Variants in GNAT2 observed in about 807,000 individuals in gnomAD.
GNAT2 encodes guanine nucleotide-binding protein G(t) subunit alpha-2.
In GNAT2, 32 loss-of-function variants were observed where a neutral mutation model predicts 40.9. The ratio of observed to expected loss-of-function variants is 0.78; its 90% CI spans 0.59 to 1.05. The LOEUF (loss-of-function observed/expected upper bound fraction) is 1.05. Ranked by LOEUF, GNAT2 falls within the 50% of genes least tolerant of loss-of-function variation. The pLI, the probability that GNAT2 is intolerant of heterozygous loss-of-function variation, is 0.00. For synonymous variants in GNAT2, 141 were observed against 157.2 expected (o/e 0.90, Z 0.77); for missense variants, 355 against 431.5 (o/e 0.82, Z 1.57).
In GNAT2 at chr1:109,608,791, G is replaced by A. The variant is rs1570564309; in HGVS notation, c.304-3C>T. The A allele has an allele frequency of 6.2e-7, 1 of 1,613,272 alleles. No homozygotes were observed. On this transcript the variant is annotated splice_polypyrimidine_tract_variant and splice_region_variant and intron_variant, in intron 4 of 8. Transcript: ENST00000679935. The stretch of plus-strand genomic sequence containing the variant: ...TTGTTGAGCTGTCGCCCGTCATCCT[G>A]TAATGCAGAAACCTGGTTAAGAACT...
At chr1:109,611,673 C>T (rs1649802013) in intron 2 of GNAT2, 1 of 152,076 alleles carries the variant, frequency 6.6e-6, no homozygotes, top group Non-Finnish European at 1.5e-5. Context: ...CCTCCTATTT[C>T]GCTTGTGCTT....
intron 2 of GNAT2, chr1:109,610,911 C>T (rs1017081082): frequency 3.4e-6 from 1 of 290,184 alleles, no homozygotes; most frequent in East Asian, 8.5e-5. Flanking sequence ...TAACATTTCT[C>T]CTCTCTGCCT....
chr1:109,605,872 A>T, intron 7 of GNAT2, 98 bp downstream of exon 7: 1 of 1,087,748 alleles, frequency 9.2e-7, no homozygotes, highest in Non-Finnish European at 1.4e-6. Context: ...CTAGACTGAA[A>T]TTACCTAAGT....
chr1:109,615,138 G>A (rs1282158823), intron 1 of GNAT2: 1 of 152,212 alleles, frequency 6.6e-6, no homozygotes, highest in Non-Finnish European at 1.5e-5. Flanking sequence ...GCTCATACCA[G>A]TTAATTATCA....
Position 109,610,088 on chromosome 1 carries a change from G to T in GNAT2, c.255C>A (p.Ile85=). ...CGATGCCCAGTGTGGTCATGGCCCG[G>T]ATGATAGCCAGGATGGACTGCAGCA... ...GNVLQSILAI[I]RAMTTLGIDY... The change falls in exon 4 of 9, where the codon ATC becomes ATA. Residue 85 remains isoleucine, a synonymous_variant. Coordinates refer to ENST00000679935, the MANE Select transcript of GNAT2 (RefSeq NM_001377295.2). 6.2e-7 allele frequency: 1 copy of T among 1,613,944 alleles called. No homozygotes were observed. The highest frequency in any genetic ancestry group is 8.5e-7 in the Non-Finnish European group (1 of 1,179,838).
Position 109,611,230 on chromosome 1 carries a change from C to T in GNAT2, c.119-723G>A, listed in dbSNP as rs543954437. ...TTGCTCTGTCTCCCAGGCTGGAGTGCAGTGGTGCTATCTTGGCTCACTGCA... is the reference window on the plus strand; with the variant it reads ...TTGCTCTGTCTCCCAGGCTGGAGTGTAGTGGTGCTATCTTGGCTCACTGCA... On this transcript the variant is annotated intron_variant, in intron 2 of 8. Coordinates refer to ENST00000679935, the MANE Select transcript of GNAT2 (RefSeq NM_001377295.2). 2.0e-5 allele frequency: 3 copies of T among 152,240 alleles called. No individual in the cohort carries two copies. The East Asian group carries it at 5.8e-4, about 29-fold the overall frequency. The allele number at this position is 152,240 out of a possible 1,614,324, so 9.4% of individuals were successfully genotyped here. A position where few individuals can be genotyped will look rare whatever the true frequency, so the allele number is the denominator to read the frequency against.
chr1:109,611,691 C>G (rs911668462), intron 2 of GNAT2: 6 of 152,136 alleles, frequency 3.9e-5, no homozygotes, highest in Non-Finnish European at 8.8e-5. Context: ...CTTGTTCCCT[C>G]TAAGCAGCTT....
In GNAT2 at chr1:109,608,859, C is replaced by T; in HGVS notation, c.304-71G>A. 2.6e-6 allele frequency: 3 copies of T among 1,163,606 alleles called. No homozygotes were observed. In the South Asian group the frequency reaches 3.7e-5, roughly 14 times the overall value. 72.1% of individuals were successfully genotyped at this position (1,163,606 alleles called of 1,614,324 possible). A position where few individuals can be genotyped will look rare whatever the true frequency, so the allele number is the denominator to read the frequency against. The stretch of plus-strand genomic sequence containing the variant: ...TTCCAGGAGGCTTCTGGGAATACTG[C>T]TGAATGGAAATCATTTTACATTACT... On this transcript the variant is annotated intron_variant, in intron 4 of 8. Coordinates refer to ENST00000679935, the MANE Select transcript of GNAT2 (RefSeq NM_001377295.2).
At chr1:109,615,630 G>GAAAAGAAAAT (rs1649933875) in intron 1 of GNAT2, 2 of 152,862 alleles carry the variant, frequency 1.3e-5, no homozygotes, top group Non-Finnish European at 2.9e-5. Flanking sequence ...AAAAAGAAAA[G>GAAAAGAAAAT]AAAAGAAAAG....
chr1:109,612,998 G>C (rs1221324001), intron 1 of GNAT2, 75 bp from the exon 2 acceptor site: 16 of 760,334 alleles, frequency 2.1e-5, no homozygotes, highest in Admixed American at 5.1e-5. Flanking sequence ...AAGCTGGTCT[G>C]TACGATGGCA....
rs369719633 is a variant in GNAT2 at position 109,606,116 on chromosome 1, C to T, written c.591-17G>A. On this transcript the variant is annotated splice_polypyrimidine_tract_variant and intron_variant, in intron 6 of 8. Coordinates refer to ENST00000679935, the MANE Select transcript of GNAT2 (RefSeq NM_001377295.2). ...TCAAACATCCTGAGGGAAGAAGCAG[C>T]TATTTTCATAGGTATGCCCAACATA... is the stretch of plus-strand genomic sequence containing the variant. The T allele has an allele frequency of 2.5e-6, 4 of 1,613,864 alleles. No homozygotes were observed. The African/African-American group carries it at 5.3e-5, about 22-fold the overall frequency.
chr1:109,612,787 A>G lies in GNAT2; in HGVS notation c.84T>C (p.Asp28=). The change falls in exon 2 of 9, where the codon GAT becomes GAC. Residue 28 remains aspartate (D), a synonymous_variant. Coordinates refer to ENST00000679935, the MANE Select transcript of GNAT2 (RefSeq NM_001377295.2). ...GCAGCTTGACAGTCTTGGCTTCCTT[A>G]TCAGCATCCTCCTGCAGCTTCTTTT... is the stretch of plus-strand genomic sequence containing the variant. The part of the protein sequence containing the change: ...ELEKKLQEDA[D]KEAKTVKLLL... 1 of 1,611,862 alleles carries G rather than the reference A, an allele frequency of 6.2e-7. No individual in the cohort carries two copies. Among genetic ancestry groups the G allele is most frequent in the Non-Finnish European group, 8.5e-7 (1 of 1,178,048 alleles).
chr1:109,614,379 A>G (rs1351137567), intron 1 of GNAT2: 1 of 152,218 alleles, frequency 6.6e-6, no homozygotes, highest in Non-Finnish European at 1.5e-5. Flanking sequence ...GAGATGTTAA[A>G]ATAGTGTATG....
Position 109,613,053 on chromosome 1 carries a change from CT to C in GNAT2, c.-53-131del, listed in dbSNP as rs1490847237. 7 of 678,572 alleles carry C rather than the reference CT, an allele frequency of 1.0e-5. No individual in the cohort carries two copies. In the African/African-American group the frequency reaches 1.2e-4, roughly 12 times the overall value. The allele number at this position is 678,572 out of a possible 1,614,324, so 42.0% of individuals were successfully genotyped here. On this transcript the variant is annotated intron_variant, in intron 1 of 8. Transcript: ENST00000679935. ...GGGTCTTGTACTCTGCCTACATTGA[CT>C]GAGACTCCCTACTTCAACTGGAGAC... is the stretch of plus-strand genomic sequence containing the variant.
chr1:109,605,975 C>T lies in GNAT2; in HGVS notation c.715G>A (p.Glu239Lys), dbSNP rs140788789. The change falls in exon 7 of 9, where the codon GAA (glutamate) becomes AAA (lysine). Residue 239 changes from glutamate to lysine, a missense_variant. Coordinates refer to ENST00000679935, the MANE Select transcript of GNAT2 (RefSeq NM_001377295.2). ...TTGATGCAAAGGCCACTCACCACTT[C>T]GTCATCTTCCACCAGCACCATATCA... is the stretch of plus-strand genomic sequence containing the variant. ...AYDMVLVEDD[E>K]VNRMHESLHL... The T allele has an allele frequency of 2.9e-5, 46 of 1,613,470 alleles. No individual in the cohort carries two copies. Among genetic ancestry groups the T allele is most frequent in the Non-Finnish European group, 3.7e-5 (44 of 1,179,654 alleles).
chr1:109,606,349 G>A lies in GNAT2; in HGVS notation c.549C>T (p.Gly183=). 6.2e-7 allele frequency: 1 copy of A among 1,612,882 alleles called. No individual in the cohort carries two copies. Among genetic ancestry groups the A allele is most frequent in the Non-Finnish European group, 8.5e-7 (1 of 1,178,850 alleles). The part of the protein sequence containing the change: ...DVLRSRVKTT[G]IIETKFSVKD... Reference sequence around the variant, plus strand: ...TGACGGAAAACTTGGTTTCAATGATGCCCGTGGTTTTGACTCTGGATCGGA... The same window carrying A: ...TGACGGAAAACTTGGTTTCAATGATACCCGTGGTTTTGACTCTGGATCGGA... The change falls in exon 6 of 9, where the codon GGC becomes GGT. Residue 183 remains glycine, a synonymous_variant. Coordinates refer to ENST00000679935, the MANE Select transcript of GNAT2 (RefSeq NM_001377295.2).
rs529532654 is a variant in GNAT2, at chr1:109,605,778, C to G, written c.720+192G>C. On this transcript the variant is annotated intron_variant, in intron 7 of 8. Coordinates refer to ENST00000679935, the MANE Select transcript of GNAT2 (RefSeq NM_001377295.2). ...GCTCACTGTCAGTAAATTTGGAGCT[C>G]TAAAATGCTAATCTAGAACCTGCAG... 3.0e-4 allele frequency: 173 copies of G among 574,284 alleles called. 3 individuals are homozygous for G. Among genetic ancestry groups the G allele is most frequent in the South Asian group, 2.0e-3 (108 of 55,334 alleles). The allele number at this position is 574,284 out of a possible 1,614,324, so 35.6% of individuals were successfully genotyped here. A position where few individuals can be genotyped will look rare whatever the true frequency, so the allele number is the denominator to read the frequency against.
intron 1 of GNAT2, chr1:109,613,526 C>T (rs1354274324): frequency 6.3e-6 from 1 of 159,844 alleles, no homozygotes; most frequent in South Asian, 1.7e-4. Flanking sequence ...TAGCATTGTT[C>T]CTTTGCATTG....
intron 7 of GNAT2, 45 bp from the exon 8 acceptor site, chr1:109,604,149 G>C: frequency 6.8e-7 from 1 of 1,466,584 alleles, no homozygotes; most frequent in Non-Finnish European, 9.5e-7. Flanking sequence ...TTGGCTTATA[G>C]AATATCTACC....
Sources: gnomAD v4.1 joint callset for allele counts on GRCh38, gnomAD v4.1.1 for gene constraint, MANE v1.5 for transcripts, NCBI Gene and HGNC (gene_info 2026-07-23, HGNC 2026-07-21) for gene names.